Variants in NT5M observed in about 807,000 individuals in gnomAD.
NT5M encodes 5',3'-nucleotidase, mitochondrial.
NT5M carries 22 observed loss-of-function variants against 22.2 expected under a neutral mutation model. That is an observed-to-expected ratio of 0.99 (90% CI 0.71 to 1.41). The LOEUF (loss-of-function observed/expected upper bound fraction) is 1.41. Among genes scored for constraint, NT5M ranks in the 40% most tolerant of loss-of-function variants. The pLI, the probability that NT5M is intolerant of heterozygous loss-of-function variation, is 0.00. For synonymous variants in NT5M, 167 were observed against 133.0 expected, an observed-to-expected ratio of 1.26 and a Z score of -1.76; for missense variants, 322 against 314.8, an observed-to-expected ratio of 1.02 and a Z score of -0.17.
intron 3 of NT5M, among the ~76,000 whole-genome samples, chr17:17,331,594 T>C (rs959887881): frequency 1.3e-5 from 2 of 151,478 alleles, no homozygotes; most frequent in Non-Finnish European, 1.5e-5. Context: ...CCTTTATTTA[T>C]TTATGTAATT....
intron 3 of NT5M, among the ~76,000 whole-genome samples, chr17:17,342,414 C>T (rs921858126): frequency 6.6e-6 from 1 of 152,122 alleles, no homozygotes; most frequent in African/African-American, 2.4e-5. Context: ...TGCAGAGTGG[C>T]GCCGGTCCGA....
At chr17:17,306,680 T>C (rs754474724) in intron 2 of NT5M, 37 bp downstream of exon 2, 10 of 1,436,506 alleles carry the variant, frequency 7.0e-6, no homozygotes, top group African/African-American at 1.4e-5. Context: ...TAAGTTTGTC[T>C]GAGCAGCCAC....
In NT5M at chr17:17,320,961, G is replaced by A. The variant is rs1448328364; in HGVS notation, c.369-2224G>A. On this transcript the variant is annotated intron_variant, in intron 2 of 4. Transcript: ENST00000389022. ...GCAATTTCTGTGGAGTGAAGGGGCA[G>A]GCCCAGTCTAGAGTGGATTGAAGCA... Among the ~76,000 whole-genome samples, 3 of 152,262 alleles carry A rather than the reference G, an allele frequency of 2.0e-5. No individual in the cohort carries two copies. In the South Asian group the frequency reaches 6.2e-4, roughly 32 times the overall value.
intron 4 of NT5M, 94 bp downstream of exon 4, chr17:17,345,002 C>T: frequency 6.5e-7 from 1 of 1,535,190 alleles, no homozygotes; most frequent in Non-Finnish European, 8.8e-7. Context: ...CTTCCTGCCC[C>T]ACTTAGTCAC....
intron 2 of NT5M, among the ~76,000 whole-genome samples, chr17:17,318,578 G>A (rs1305506510): frequency 6.6e-6 from 1 of 151,130 alleles, no homozygotes; most frequent in Non-Finnish European, 1.5e-5. Context: ...CTGAGGTCCG[G>A]AGTTTGAGAC....
intron 2 of NT5M, 145 bp from the exon 3 acceptor site, chr17:17,323,040 A>C: frequency 1.3e-6 from 1 of 746,498 alleles, no homozygotes; most frequent in Admixed American, 1.8e-5. Flanking sequence ...TGGTGTGGAT[A>C]TAGTACAGGG....
intron 3 of NT5M, among the ~76,000 whole-genome samples, chr17:17,340,773 C>T (rs2049625861): frequency 6.6e-6 from 1 of 152,128 alleles, no homozygotes; most frequent in Admixed American, 6.5e-5. Flanking sequence ...GATCTGCCCG[C>T]CTTGGCCTCT....
intron 3 of NT5M, among the ~76,000 whole-genome samples, chr17:17,328,870 G>T (rs1313856581): frequency 6.6e-6 from 1 of 152,200 alleles, no homozygotes; most frequent in Non-Finnish European, 1.5e-5. Context: ...AACCCAGATT[G>T]CTCGGTAATA....
chr17:17,315,277 A>T (rs989314407), intron 2 of NT5M, among the ~76,000 whole-genome samples: 2 of 152,180 alleles, frequency 1.3e-5, no homozygotes, highest in Non-Finnish European at 2.9e-5. Flanking sequence ...GATACATTTT[A>T]CGACTTAATA....
chr17:17,308,879 C>G (rs2048866083), intron 2 of NT5M, among the ~76,000 whole-genome samples: 1 of 152,268 alleles, frequency 6.6e-6, no homozygotes, highest in East Asian at 1.9e-4. Context: ...TGGCTTCTTT[C>G]ATTTAGCACA....
intron 2 of NT5M, among the ~76,000 whole-genome samples, chr17:17,308,497 C>A (rs2145319654): frequency 6.6e-6 from 1 of 152,002 alleles, no homozygotes; most frequent in South Asian, 2.1e-4. Flanking sequence ...GAGGCTGAGG[C>A]AGGAGAATCT....
intron 3 of NT5M, among the ~76,000 whole-genome samples, chr17:17,330,774 A>T (rs1597786582): frequency 1.8e-5 from 2 of 111,018 alleles, no homozygotes; most frequent in East Asian, 5.0e-4. Context: ...ACGGAGTCTC[A>T]CTTTGTCACC....
intron 1 of NT5M, among the ~76,000 whole-genome samples, chr17:17,305,595 G>A (rs2048782407): frequency 6.6e-6 from 1 of 152,050 alleles, no homozygotes. Context: ...TGCTGTCAGG[G>A]CATCCTCCGG....
At chr17:17,315,750 TTG>T (rs1385329941) in intron 2 of NT5M, among the ~76,000 whole-genome samples, 2,435 of 79,932 alleles carry the variant, frequency 0.03, 479 homozygotes, top group African/African-American at 0.16. Context: ...TAGGGTTTTT[TTG>T]TTTTTTTTTT....
chr17:17,303,915 C>T (rs2048736555), intron 1 of NT5M, 98 bp downstream of exon 1: 1 of 1,316,872 alleles, frequency 7.6e-7, no homozygotes, highest in Non-Finnish European at 9.7e-7. Context: ...AGCGCCCCAG[C>T]CTCGGGGTGG....
chr17:17,303,635 G>C lies in NT5M; in HGVS notation c.85G>C (p.Gly29Arg). The C allele has an allele frequency of 7.0e-7, 1 of 1,436,802 alleles. No individual in the cohort carries two copies. The highest frequency in any genetic ancestry group is 9.2e-7 in the Non-Finnish European group (1 of 1,084,252). 89.0% of individuals were successfully genotyped at this position (1,436,802 alleles called of 1,614,324 possible). A position where few individuals can be genotyped will look rare whatever the true frequency, so the allele number is the denominator to read the frequency against. Reference protein sequence around the residue: ...AGRRGAAGGLGLAGGRALRVL... With the variant: ...AGRRGAAGGLRLAGGRALRVL... ...GCGGCGCGGGGCGGCGGGCGGGCTG[G>C]GCCTGGCGGGAGGCCGCGCCCTACG... is the stretch of plus-strand genomic sequence containing the variant. The change falls in exon 1 of 5, where the codon GGC (glycine) becomes CGC (arginine). Residue 29 changes from glycine (G) to arginine (R), a missense_variant. Physicochemically the swap from Gly to Arg is moderately radical, Grantham distance 125 (BLOSUM62 -2). Transcript: ENST00000389022.
intron 2 of NT5M, among the ~76,000 whole-genome samples, chr17:17,310,953 G>A (rs1308163009): frequency 6.6e-6 from 1 of 152,062 alleles, no homozygotes; most frequent in African/African-American, 2.4e-5. Flanking sequence ...GAGGTCAGGA[G>A]TTCAAGATCA....
At chr17:17,343,594 C>T (rs1597804664) in intron 3 of NT5M, among the ~76,000 whole-genome samples, 1 of 152,232 alleles carries the variant, frequency 6.6e-6, no homozygotes, top group South Asian at 2.1e-4. Context: ...CCTTGTCATA[C>T]ACAGGGAAAA....
intron 2 of NT5M, among the ~76,000 whole-genome samples, chr17:17,319,534 T>C (rs1460044448): frequency 6.6e-6 from 1 of 152,220 alleles, no homozygotes; most frequent in Non-Finnish European, 1.5e-5. Flanking sequence ...ATTTAACAAT[T>C]AGGACACACT....
Sources: allele counts gnomAD v4.1 joint callset (sites outside exome capture counted in the v4.1 genomes callset), GRCh38; gene constraint gnomAD v4.1.1; transcripts MANE v1.5; gene names NCBI Gene and HGNC (gene_info 2026-07-23, HGNC 2026-07-21).